The following TOX variants were observed in gnomAD, a reference collection of about 807,000 sequenced individuals.
TOX encodes thymocyte selection-associated high mobility group box protein TOX.
Under a neutral mutation model 53.7 loss-of-function variants are expected in TOX, and 11 were observed. That is an observed-to-expected ratio of 0.20 (90% confidence interval 0.13 to 0.34). The LOEUF is 0.34. Among genes scored for constraint, TOX ranks in the 10% least tolerant of loss-of-function variants. TOX has a pLI of 1.00. For missense variants in TOX, 570 were observed against 664.6 expected, an observed-to-expected ratio of 0.86 and a Z score of 1.56; for synonymous variants, 225 against 245.3, an observed-to-expected ratio of 0.92 and a Z score of 0.77.
intron 1 of TOX, among the ~76,000 whole-genome samples, chr8:59,000,232 T>C (rs186978491): frequency 2.0e-5 from 3 of 152,190 alleles, no homozygotes; most frequent in Admixed American, 2.0e-4. Context: ...GAAGGGGTTA[T>C]AAAATAAAGC....
At chr8:59,099,233 C>T (rs1259762138) in intron 1 of TOX, among the ~76,000 whole-genome samples, 1 of 152,090 alleles carries the variant, frequency 6.6e-6, no homozygotes, top group Non-Finnish European at 1.5e-5. Context: ...TGATCAAGCC[C>T]CTCTTTTTAG....
At chr8:59,076,097 G>C (rs750424462) in intron 1 of TOX, among the ~76,000 whole-genome samples, 24 of 152,058 alleles carry the variant, frequency 1.6e-4, no homozygotes, top group Non-Finnish European at 3.1e-4. Context: ...TGTAAACCAG[G>C]TTAGAAGAAT....
chr8:59,083,006 C>T lies in TOX; in HGVS notation c.102+35880G>A, dbSNP rs1804437343. 2.0e-5 allele frequency among the ~76,000 whole-genome samples: 3 copies of T among 152,280 alleles called. 1 individual carries two copies. In the East Asian group the frequency reaches 5.8e-4, roughly 29 times the overall value. ...CAGTCAGGTATTCCCACTGAAGAGG[C>T]TGTGTCTGGATTTCTGTCGTGAGGG... On this transcript the variant is annotated intron_variant, in intron 1 of 8. Coordinates refer to ENST00000361421, the MANE Select transcript of TOX (RefSeq NM_014729.3).
At chr8:59,051,204 C>T (rs1803783427) in intron 1 of TOX, among the ~76,000 whole-genome samples, 1 of 151,994 alleles carries the variant, frequency 6.6e-6, no homozygotes, top group Non-Finnish European at 1.5e-5. Context: ...GAAAATGAGG[C>T]AGATTTGGTC....
chr8:58,987,998 T>C (rs1036131910), intron 1 of TOX, among the ~76,000 whole-genome samples: 4 of 152,240 alleles, frequency 2.6e-5, no homozygotes, highest in Non-Finnish European at 5.9e-5. Flanking sequence ...AATCCAGGTC[T>C]TCTGACTCCC....
chr8:58,906,713 AT>A (rs1258051997), intron 3 of TOX, among the ~76,000 whole-genome samples: 1 of 152,066 alleles, frequency 6.6e-6, no homozygotes, highest in Admixed American at 6.6e-5. Context: ...TAAACGCTAC[AT>A]TTTTTTTCTC....
intron 3 of TOX, among the ~76,000 whole-genome samples, chr8:58,933,850 C>T (rs1261160761): frequency 1.3e-5 from 2 of 152,166 alleles, no homozygotes; most frequent in Non-Finnish European, 2.9e-5. Flanking sequence ...AACTCCTGCA[C>T]CCCACCCCTG....
intron 3 of TOX, among the ~76,000 whole-genome samples, chr8:58,854,049 AG>A (rs1178545328): frequency 6.6e-6 from 1 of 152,172 alleles, no homozygotes; most frequent in Admixed American, 6.6e-5. Context: ...ACTATCCTAC[AG>A]GGGGGCAGTC....
intron 1 of TOX, among the ~76,000 whole-genome samples, chr8:59,008,365 C>T (rs1013675197): frequency 2.0e-5 from 3 of 152,178 alleles, no homozygotes; most frequent in Non-Finnish European, 4.4e-5. Context: ...AAATAAGAAA[C>T]AGTGGGAGTT....
chr8:58,808,138 A>G lies in TOX; in HGVS notation c.1524T>C (p.Asn508=). Residue 508 remains asparagine (N), a synonymous_variant, in exon 8 of 9, where the codon AAT becomes AAC. Transcript: ENST00000361421. ...RNPPPQPVDW[N]NDYCSSGGMQ... is the part of the protein sequence containing the mutation. ...CTTACCCACTACTGCAGTAGTCGTT[A>G]TTCCAGTCCACCGGTTGTGGGGGAG... The G allele has an allele frequency of 6.2e-7, 1 of 1,613,592 alleles. No homozygotes were observed. Among genetic ancestry groups the G allele is most frequent in the Non-Finnish European group, 8.5e-7 (1 of 1,179,750 alleles).
intron 3 of TOX, among the ~76,000 whole-genome samples, chr8:58,874,890 C>T (rs984204240): frequency 2.6e-5 from 4 of 152,146 alleles, no homozygotes; most frequent in Admixed American, 6.6e-5. Context: ...CACTAATGAG[C>T]GCTGATGAGC....
intron 2 of TOX, among the ~76,000 whole-genome samples, chr8:58,959,327 A>G (rs1812762200): frequency 6.6e-6 from 1 of 152,218 alleles, no homozygotes. Context: ...GTAACCATTT[A>G]CATTCTCATT....
chr8:59,084,008 T>C (rs1804462507), intron 1 of TOX, among the ~76,000 whole-genome samples: 1 of 152,118 alleles, frequency 6.6e-6, no homozygotes, highest in Non-Finnish European at 1.5e-5. Flanking sequence ...ATGTTTTAGG[T>C]ATCACAATAC....
intron 2 of TOX, among the ~76,000 whole-genome samples, chr8:58,953,847 A>T (rs1168427903): frequency 6.6e-6 from 1 of 151,928 alleles, no homozygotes; most frequent in East Asian, 1.9e-4. Context: ...GTTATGGCCC[A>T]CAGTAAAGAT....
chr8:59,021,108 CAAAAAAAAAAAA>C (rs35493437), intron 1 of TOX, among the ~76,000 whole-genome samples: 1 of 92,034 alleles, frequency 1.1e-5, no homozygotes, highest in African/African-American at 4.4e-5. Context: ...GACCCTGTCT[CAAAAAAAAAAAA>C]AAAAAAAGAG....
intron 1 of TOX, among the ~76,000 whole-genome samples, chr8:59,037,556 C>A (rs117130010): frequency 0.013 from 1,994 of 152,238 alleles, 19 homozygotes; most frequent in Admixed American, 0.025. Flanking sequence ...GTAATCCCAG[C>A]CCTTTGGGAA....
chr8:59,035,225 A>C (rs1261502971), intron 1 of TOX, among the ~76,000 whole-genome samples: 1 of 152,214 alleles, frequency 6.6e-6, no homozygotes, highest in Non-Finnish European at 1.5e-5. Flanking sequence ...AAAAACATAA[A>C]TCCATAAACT....
At chr8:58,946,698 T>G (rs528622625) in intron 2 of TOX, among the ~76,000 whole-genome samples, 1 of 152,362 alleles carries the variant, frequency 6.6e-6, no homozygotes, top group Admixed American at 6.5e-5. Flanking sequence ...GACATTTATT[T>G]GTGCTCATTA....
intron 1 of TOX, among the ~76,000 whole-genome samples, chr8:59,044,639 A>T (rs77142310): frequency 0.022 from 3,316 of 152,314 alleles, 83 homozygotes; most frequent in South Asian, 0.087. Flanking sequence ...ACATGATTTT[A>T]AAAAAATCTA....
Sources: allele counts gnomAD v4.1 joint callset (sites outside exome capture counted in the v4.1 genomes callset), GRCh38; gene constraint gnomAD v4.1.1; transcripts MANE v1.5; gene names NCBI Gene and HGNC (gene_info 2026-07-23, HGNC 2026-07-21).